LIN9: variants seen among roughly 807,000 people sequenced by gnomAD.
LIN9 encodes lin-9 DREAM MuvB core complex component.
A neutral mutation model predicts 78.0 loss-of-function variants in LIN9; 18 were observed. That is an observed-to-expected ratio of 0.23 (90% CI 0.16 to 0.34). The LOEUF is 0.34. Among genes scored for constraint, LIN9 ranks in the 10% least tolerant of loss-of-function variants. The pLI is 1.00. For synonymous variants in LIN9, 192 were observed against 215.2 expected (o/e 0.89, Z 0.94); for missense variants, 451 against 644.1 (o/e 0.70, Z 3.25).
rs947732849 is a variant in LIN9, at chr1:226,292,402, C to T, written c.264+3440G>A. On this transcript the variant is annotated intron_variant, in intron 4 of 14. Transcript: ENST00000681046. ...CTGGAACTCCTGAGCTTAAGCCATC[C>T]ACCTGCCTTAGCCTCCCAAAGTGCT... 4.6e-5 allele frequency among the ~76,000 whole-genome samples: 7 copies of T among 152,118 alleles called. No individual in the cohort carries two copies. The South Asian group carries it at 1.0e-3, about 23-fold the overall frequency.
intron 11 of LIN9, among the ~76,000 whole-genome samples, chr1:226,247,402 A>G (rs1292010338): frequency 6.6e-6 from 1 of 152,124 alleles, no homozygotes; most frequent in Non-Finnish European, 1.5e-5. Flanking sequence ...ATTTATAGAA[A>G]TAATTTGAGG....
At chr1:226,306,340 AAAAG>A (rs1399744659) in intron 1 of LIN9, among the ~76,000 whole-genome samples, 1 of 151,910 alleles carries the variant, frequency 6.6e-6, no homozygotes, top group East Asian at 1.9e-4. Context: ...AAAACAAAAG[AAAAG>A]AAAGAGAGGG....
At chr1:226,279,451 G>C (rs1183907102) in intron 6 of LIN9, among the ~76,000 whole-genome samples, 1 of 150,778 alleles carries the variant, frequency 6.6e-6, no homozygotes, top group Admixed American at 6.6e-5. Flanking sequence ...ACAACAGAGG[G>C]AGACTGTTCC....
chr1:226,250,815 AG>A, intron 11 of LIN9, 23 bp downstream of exon 11: 1 of 1,214,904 alleles, frequency 8.2e-7, no homozygotes, highest in Non-Finnish European at 1.2e-6. Flanking sequence ...AAGCAAATGA[AG>A]AAAAAAAAAG....
At chr1:226,282,077 G>C (rs1209339429) in intron 6 of LIN9, among the ~76,000 whole-genome samples, 1 of 152,114 alleles carries the variant, frequency 6.6e-6, no homozygotes, top group Admixed American at 6.5e-5. Context: ...TTCTCAAATA[G>C]CTACAGTATG....
Position 226,266,592 on chromosome 1 carries a change from AG to A in LIN9, c.817-261del, listed in dbSNP as rs370767727. 3.4e-3 allele frequency among the ~76,000 whole-genome samples: 496 copies of A among 144,224 alleles called. 1 individual carries two copies. Among genetic ancestry groups the A allele is most frequent in the Non-Finnish European group, 5.4e-3 (354 of 65,932 alleles). 94.6% of individuals were successfully genotyped at this position (144,224 alleles called of 152,430 possible). A position where few individuals can be genotyped will look rare whatever the true frequency, so the allele number is the denominator to read the frequency against. ...AGAAGAAAAAAAGAAATAAAAAAAAAGGGGGGGGGTCAAAATAGTTCAGAGA... is the reference window on the plus strand; with the variant it reads ...AGAAGAAAAAAAGAAATAAAAAAAAAGGGGGGGGTCAAAATAGTTCAGAGA... On this transcript the variant is annotated intron_variant, in intron 8 of 14. Coordinates refer to ENST00000681046, the MANE Select transcript of LIN9 (RefSeq NM_001366245.2).
chr1:226,256,020 C>G (rs1246781945), intron 10 of LIN9, among the ~76,000 whole-genome samples: 2 of 151,754 alleles, frequency 1.3e-5, no homozygotes, highest in African/African-American at 4.8e-5. Context: ...GAATACCAAG[C>G]AGAAGAAACA....
At position 226,233,433 on chromosome 1, in the gene LIN9, C is replaced by T; in HGVS notation, c.1336G>A (p.Ala446Thr). The T allele has an allele frequency of 6.2e-7, 1 of 1,614,080 alleles. No homozygotes were observed. Among genetic ancestry groups the T allele is most frequent in the Non-Finnish European group, 8.5e-7 (1 of 1,179,976 alleles). The part of the protein sequence containing the change: ...EEEAQEIVRH[A>T]NSSTGQPCVE... ...CAGGGCTGTCCTGTTGAGGAATTTG[C>T]ATGCCGAACAATTTCCTGTGCTTCT... is the stretch of plus-strand genomic sequence containing the variant. The change falls in exon 13 of 15, where the codon GCA (alanine) becomes ACA (threonine). Residue 446 changes from alanine (A) to threonine (T), a missense_variant. Physicochemically the swap from Ala to Thr is moderately conservative, Grantham distance 58. Coordinates refer to ENST00000681046, the MANE Select transcript of LIN9 (RefSeq NM_001366245.2).
At chr1:226,236,586 G>T (rs1320032545) in intron 12 of LIN9, among the ~76,000 whole-genome samples, 1 of 152,124 alleles carries the variant, frequency 6.6e-6, no homozygotes, top group Non-Finnish European at 1.5e-5. Flanking sequence ...CTCCCGAGTA[G>T]CTGGGACTAC....
intron 10 of LIN9, among the ~76,000 whole-genome samples, chr1:226,263,362 C>T (rs547962534): frequency 2.6e-5 from 4 of 152,254 alleles, no homozygotes; most frequent in African/African-American, 9.6e-5. Flanking sequence ...GGGGAGACTA[C>T]ACATGTGTGG....
chr1:226,254,108 T>G (rs1260919895), intron 10 of LIN9, among the ~76,000 whole-genome samples: 1 of 152,050 alleles, frequency 6.6e-6, no homozygotes, highest in African/African-American at 2.4e-5. Flanking sequence ...ATTTTTGTAT[T>G]TTTTTGTACA....
At chr1:226,286,740 T>C (rs890508305) in intron 5 of LIN9, among the ~76,000 whole-genome samples, 3 of 152,228 alleles carry the variant, frequency 2.0e-5, no homozygotes, top group Admixed American at 6.5e-5. Context: ...GGCCCTGGCC[T>C]TGTATCAGGT....
chr1:226,274,024 G>A (rs1660476765), intron 7 of LIN9, among the ~76,000 whole-genome samples: 1 of 151,948 alleles, frequency 6.6e-6, no homozygotes, highest in South Asian at 2.1e-4. Flanking sequence ...TTTTAGTAGA[G>A]ACAGGGTTTC....
At chr1:226,274,125 G>A (rs374555100) in intron 7 of LIN9, among the ~76,000 whole-genome samples, 3 of 152,220 alleles carry the variant, frequency 2.0e-5, no homozygotes, top group Admixed American at 6.5e-5. Context: ...GACCCACTAC[G>A]CCTGGCCTTA....
chr1:226,258,894 C>CAAAAAAAAAAAAAAAAAAAAAAAAA (rs770169450), intron 10 of LIN9, among the ~76,000 whole-genome samples: 1 of 54,776 alleles, frequency 1.8e-5, no homozygotes, highest in African/African-American at 7.8e-5. Context: ...TCTGTCTCAA[C>CAAAAAAAAAAAAAAAAAAAAAAAAA]AAAAAAAAAA....
chr1:226,258,389 T>C (rs187772651), intron 10 of LIN9, among the ~76,000 whole-genome samples: 9 of 149,586 alleles, frequency 6.0e-5, no homozygotes, highest in African/African-American at 2.2e-4. Context: ...TAATCCTAGC[T>C]ACTTGGGAGG....
rs374767866 is a variant in LIN9, at chr1:226,265,609, G to A, written c.962C>T (p.Ser321Leu). ...IIDNDPLLGQ[S>L]PWRSKISGSD... The stretch of plus-strand genomic sequence containing the variant: ...GCCAGAAATTTTACTTCTCCACGGC[G>A]ACTGTCCTAATAAAGGATCATTATC... Residue 321 changes from serine to leucine, a missense_variant, in exon 10 of 15, where the codon TCG becomes TTG. By Grantham distance (145) the Ser-to-Leu change is moderately radical. Coordinates refer to ENST00000681046, the MANE Select transcript of LIN9 (RefSeq NM_001366245.2). The surrounding 1 kb of genome is among the most constrained non-coding windows in gnomAD (Gnocchi z 4.1). 18 of 1,605,178 alleles carry A rather than the reference G, an allele frequency of 1.1e-5. No homozygotes were observed. The African/African-American group carries it at 1.5e-4, about 13-fold the overall frequency.
chr1:226,275,553 T>C (rs1018158219), intron 7 of LIN9, among the ~76,000 whole-genome samples: 1 of 150,164 alleles, frequency 6.7e-6, no homozygotes, highest in Admixed American at 6.7e-5. Context: ...ATATGTCGGG[T>C]GTGGTGGCGT....
In LIN9 at chr1:226,265,450, C is replaced by T. The variant is rs1237164923; in HGVS notation, c.1038+83G>A. ...CCTACACGGTGATAAACCTACACGG[C>T]CCTAGAAAAATTTTCAACTTTAATA... On this transcript the variant is annotated intron_variant, in intron 10 of 14. Coordinates refer to ENST00000681046, the MANE Select transcript of LIN9 (RefSeq NM_001366245.2). The surrounding 1 kb of genome is among the most constrained non-coding windows in gnomAD (Gnocchi z 4.1). 4.2e-6 allele frequency: 3 copies of T among 722,886 alleles called. No homozygotes were observed. The highest frequency in any genetic ancestry group is 5.6e-5 in the East Asian group (2 of 35,924). 44.8% of individuals were successfully genotyped at this position (722,886 alleles called of 1,614,324 possible). A position where few individuals can be genotyped will look rare whatever the true frequency, so the allele number is the denominator to read the frequency against.
Sources: allele counts gnomAD v4.1 joint callset (sites outside exome capture counted in the v4.1 genomes callset), GRCh38; gene constraint gnomAD v4.1.1; non-coding constraint Gnocchi (gnomAD v3.1); transcripts MANE v1.5; gene names NCBI Gene and HGNC (gene_info 2026-07-23, HGNC 2026-07-21).